Variants in NOL4 observed in about 807,000 individuals in gnomAD.
NOL4 encodes the protein nucleolar protein 4, also known as cancer/testis antigen 125.
In NOL4, 17 loss-of-function variants were observed where a neutral mutation model predicts 75.9. The observed-to-expected ratio is 0.22, with a 90% CI of 0.15 to 0.34. The LOEUF is 0.34. NOL4 is among the 10% of genes least tolerant of loss of function. The pLI, the probability that NOL4 is intolerant of heterozygous loss-of-function variation, is 1.00. For missense variants in NOL4, 614 were observed against 793.5 expected (o/e 0.77, Z 2.72); for synonymous variants, 292 against 289.9 (o/e 1.01, Z -0.07).
chr18:33,876,182 CT>C (rs1488457913), intron 10 of NOL4, among the ~76,000 whole-genome samples: 5 of 152,006 alleles, frequency 3.3e-5, no homozygotes, highest in African/African-American at 1.2e-4. Context: ...TTTTATTCTT[CT>C]GCCTATAGAT....
intron 1 of NOL4, among the ~76,000 whole-genome samples, chr18:34,170,305 G>A (rs1352400913): frequency 1.3e-5 from 2 of 151,834 alleles, no homozygotes; most frequent in East Asian, 3.9e-4. Flanking sequence ...AGCCTCCCGA[G>A]TAGCTGGGAT....
chr18:34,146,252 A>T (rs892165980), intron 1 of NOL4, among the ~76,000 whole-genome samples: 2 of 151,682 alleles, frequency 1.3e-5, no homozygotes, highest in Admixed American at 1.3e-4. Context: ...AGTGCCTATT[A>T]AACAGTTTAT....
chr18:34,045,930 C>G (rs893163696), intron 5 of NOL4, among the ~76,000 whole-genome samples: 2 of 152,056 alleles, frequency 1.3e-5, no homozygotes, highest in Non-Finnish European at 2.9e-5. Context: ...ACACATCAAC[C>G]ATCAATCACA....
intron 6 of NOL4, among the ~76,000 whole-genome samples, chr18:33,999,670 C>A (rs2073550611): frequency 6.6e-6 from 1 of 151,768 alleles, no homozygotes; most frequent in Non-Finnish European, 1.5e-5. Flanking sequence ...TTCCTTTTTC[C>A]CTGAGAGAGT....
intron 10 of NOL4, among the ~76,000 whole-genome samples, chr18:33,882,668 A>T (rs1186907961): frequency 3.3e-5 from 5 of 151,352 alleles, no homozygotes; most frequent in Admixed American, 6.6e-5. Context: ...GGGATCTAGA[A>T]CTGGAAATAC....
At chr18:34,119,458 A>G (rs2145823669) in intron 2 of NOL4, among the ~76,000 whole-genome samples, 1 of 152,016 alleles carries the variant, frequency 6.6e-6, no homozygotes, top group East Asian at 1.9e-4. Flanking sequence ...TATTAGCATT[A>G]CTCCAATGCA....
chr18:34,164,294 G>C (rs2031993253), intron 1 of NOL4, among the ~76,000 whole-genome samples: 1 of 151,886 alleles, frequency 6.6e-6, no homozygotes, highest in Admixed American at 6.6e-5. Context: ...TACCATCAGA[G>C]TGAACAGGCA....
chr18:34,208,445 TA>T (rs755517190), intron 1 of NOL4, among the ~76,000 whole-genome samples: 107 of 141,042 alleles, frequency 7.6e-4, no homozygotes, highest in East Asian at 1.4e-3. Flanking sequence ...AGAAAAAGAT[TA>T]AAAAAAAAAA....
intron 6 of NOL4, among the ~76,000 whole-genome samples, chr18:34,007,382 G>C (rs2074096134): frequency 6.6e-6 from 1 of 151,974 alleles, no homozygotes; most frequent in Non-Finnish European, 1.5e-5. Flanking sequence ...TCTTCAAAAA[G>C]AAAGATTGGG....
At chr18:34,102,148 C>T (rs1048185295) in intron 4 of NOL4, among the ~76,000 whole-genome samples, 4 of 151,944 alleles carry the variant, frequency 2.6e-5, no homozygotes, top group African/African-American at 9.7e-5. Flanking sequence ...AAGGGAGTCC[C>T]ATGTCTGGCC....
chr18:34,130,312 T>C (rs78047177), intron 1 of NOL4, among the ~76,000 whole-genome samples: 6,061 of 152,106 alleles, frequency 0.04, 131 homozygotes, highest in African/African-American at 0.054. Flanking sequence ...ATCAGTACGA[T>C]TTTCTTAAAT....
In NOL4 at chr18:33,997,099, T is replaced by C. The variant is rs141137252; in HGVS notation, c.1056+22219A>G. 1.8e-3 allele frequency among the ~76,000 whole-genome samples: 270 copies of C among 152,090 alleles called. 6 individuals carry two copies. In the East Asian group the frequency reaches 0.048, roughly 27 times the overall value. On this transcript the variant is annotated intron_variant, in intron 6 of 10. Coordinates refer to ENST00000261592, the MANE Select transcript of NOL4 (RefSeq NM_003787.5). ...CTGTGCATAAGCTCTTTAGTTTAAC[T>C]AGGTTCCACTTGTCAATTTTTGTTG...
intron 6 of NOL4, among the ~76,000 whole-genome samples, chr18:33,973,248 G>A (rs2071222417): frequency 6.6e-6 from 1 of 152,140 alleles, no homozygotes; most frequent in South Asian, 2.1e-4. Flanking sequence ...TTATCCATAA[G>A]AAGCAACTCC....
chr18:33,867,574 G>T (rs761846643), intron 10 of NOL4, among the ~76,000 whole-genome samples: 1 of 151,602 alleles, frequency 6.6e-6, no homozygotes, highest in Admixed American at 6.6e-5. Flanking sequence ...GTCTTATCAC[G>T]CCCCTTGCTT....
At chr18:34,219,250 TC>T (rs1219139792) in intron 1 of NOL4, among the ~76,000 whole-genome samples, 2 of 152,242 alleles carry the variant, frequency 1.3e-5, no homozygotes, top group African/African-American at 4.8e-5. Context: ...TTGTGTCTGT[TC>T]CTACAAATAT....
chr18:34,105,294 ATACC>A, intron 2 of NOL4, 134 bp from the exon 3 acceptor site: 2 of 593,024 alleles, frequency 3.4e-6, no homozygotes, highest in South Asian at 2.1e-5. Flanking sequence ...CATGCATTGC[ATACC>A]ATGCATCATT....
intron 5 of NOL4, among the ~76,000 whole-genome samples, chr18:34,051,894 G>T (rs948379154): frequency 6.6e-6 from 1 of 151,714 alleles, no homozygotes; most frequent in Admixed American, 6.6e-5. Context: ...TAGAAATAGG[G>T]ATAAAATTTT....
At chr18:33,915,930 A>C (rs1429005023) in intron 9 of NOL4, among the ~76,000 whole-genome samples, 2 of 152,124 alleles carry the variant, frequency 1.3e-5, no homozygotes, top group Non-Finnish European at 2.9e-5. Flanking sequence ...CACTTCTACA[A>C]GATAAAATTT....
rs2076178309 is a variant in NOL4 at position 34,042,381 on chromosome 18, A to G, written c.773-22780T>C. 2.6e-5 allele frequency among the ~76,000 whole-genome samples: 4 copies of G among 152,180 alleles called. No individual in the cohort carries two copies. The South Asian group carries it at 8.3e-4, about 32-fold the overall frequency. On this transcript the variant is annotated intron_variant, in intron 5 of 10. Transcript: ENST00000261592. Reference sequence around the variant, plus strand: ...GCCAGAAAACATGATGGTATTTTCTAAAGTTGAGAGGAATATGTCCATGAT... The same window carrying G: ...GCCAGAAAACATGATGGTATTTTCTGAAGTTGAGAGGAATATGTCCATGAT...
Sources: gnomAD v4.1 joint callset for allele counts (sites outside exome capture counted in the v4.1 genomes callset) on GRCh38, gnomAD v4.1.1 for gene constraint, MANE v1.5 for transcripts, NCBI Gene and HGNC (gene_info 2026-07-23, HGNC 2026-07-21) for gene names.